Variants in CACNA2D4 observed in about 807,000 individuals in gnomAD.
CACNA2D4 encodes calcium voltage-gated channel auxiliary subunit alpha2delta 4.
CACNA2D4 carries 157 observed loss-of-function variants against 163.8 expected under a neutral mutation model. The ratio of observed to expected loss-of-function variants is 0.96; its 90% CI spans 0.84 to 1.09. The LOEUF is 1.09. CACNA2D4 is among the 50% of genes least tolerant of loss of function. The pLI, the probability that CACNA2D4 is intolerant of heterozygous loss-of-function variation, is 0.00. For synonymous variants in CACNA2D4, 598 were observed against 586.9 expected, an observed-to-expected ratio of 1.02 and a Z score of -0.27; for missense variants, 1,410 against 1,479.9, an observed-to-expected ratio of 0.95 and a Z score of 0.78.
intron 12 of CACNA2D4, 75 bp downstream of exon 12, chr12:1,884,168 C>A: frequency 7.3e-7 from 1 of 1,367,298 alleles, no homozygotes; most frequent in South Asian, 1.2e-5. Context: ...CCGTGCTCAG[C>A]ACTTCCAGGG....
Position 1,869,341 on chromosome 12 carries a change from G to A in CACNA2D4, c.1878+5263C>T, listed in dbSNP as rs140396766. 5.6e-4 allele frequency among the ~76,000 whole-genome samples: 86 copies of A among 152,310 alleles called. 1 individual carries two copies. The highest frequency in any genetic ancestry group is 8.7e-4 in the African/African-American group (36 of 41,560). ...CTGCCACTCTTTGCTGTAACCTACC[G>A]TCGTGCTTTCTAGGCATGGGCCGAA... On this transcript the variant is annotated intron_variant, in intron 18 of 37. Transcript: ENST00000382722. The surrounding 1 kb of genome is among the most constrained non-coding windows in gnomAD (Gnocchi z 4.7).
At chr12:1,882,044 C>T (rs1866013511) in intron 13 of CACNA2D4, among the ~76,000 whole-genome samples, 1 of 152,212 alleles carries the variant, frequency 6.6e-6, no homozygotes, top group Admixed American at 6.5e-5. Context: ...GTTTCCCTCA[C>T]AGGGGCGAAG....
Position 1,854,007 on chromosome 12 carries a change from C to A in CACNA2D4, c.2190G>T (p.Ala730=). Residue 730 remains alanine (A), a synonymous_variant, in exon 23 of 38, where the codon GCG becomes GCT. Coordinates refer to ENST00000382722, the MANE Select transcript of CACNA2D4 (RefSeq NM_172364.5). Reference sequence around the variant, plus strand: ...AGGCTTCCATGGGGGCTGTCACCACCGCGTCAAACAGCACCTCCCGGACCA... The same window carrying A: ...AGGCTTCCATGGGGGCTGTCACCACAGCGTCAAACAGCACCTCCCGGACCA... ...EELVREVLFD[A]VVTAPMEAYW... is the part of the protein sequence containing the mutation. 1 of 1,612,970 alleles carries A rather than the reference C, an allele frequency of 6.2e-7. No individual in the cohort carries two copies. Among genetic ancestry groups the A allele is most frequent in the Non-Finnish European group, 8.5e-7 (1 of 1,179,358 alleles).
At chr12:1,868,216 T>C (rs1565719433) in intron 18 of CACNA2D4, among the ~76,000 whole-genome samples, 2 of 152,200 alleles carry the variant, frequency 1.3e-5, no homozygotes, top group Non-Finnish European at 2.9e-5. Context: ...CTGAAGTATC[T>C]GTTGATGGAT....
intron 26 of CACNA2D4, among the ~76,000 whole-genome samples, chr12:1,832,493 T>C (rs945703296): frequency 3.3e-5 from 5 of 152,250 alleles, no homozygotes; most frequent in Non-Finnish European, 5.9e-5. Flanking sequence ...AGATGCTCAA[T>C]GAATGTTTGC....
chr12:1,823,361 T>C (rs1332161488), intron 26 of CACNA2D4: 1 of 152,298 alleles, frequency 6.6e-6, no homozygotes, highest in East Asian at 1.9e-4. Context: ...GGCAGGTGCA[T>C]GGAGCGGTCC....
chr12:1,879,096 T>C (rs1865940304), intron 14 of CACNA2D4, 60 bp from the exon 15 acceptor site: 1 of 1,401,182 alleles, frequency 7.1e-7, no homozygotes, highest in Admixed American at 1.7e-5. Flanking sequence ...AAGGTTAGAC[T>C]GGACCCTGGG....
At chr12:1,886,791 G>T (rs1866156984) in intron 7 of CACNA2D4, among the ~76,000 whole-genome samples, 1 of 152,132 alleles carries the variant, frequency 6.6e-6, no homozygotes, top group Non-Finnish European at 1.5e-5. Flanking sequence ...GGTTTAGGTT[G>T]GGAAAGACAA....
At chr12:1,902,995 T>C (rs1022560315) in intron 6 of CACNA2D4, among the ~76,000 whole-genome samples, 2 of 152,060 alleles carry the variant, frequency 1.3e-5, no homozygotes, top group Admixed American at 6.6e-5. Flanking sequence ...CAAAACAGCA[T>C]GGCACTGGCA....
Position 1,800,951 on chromosome 12 carries a change from G to A in CACNA2D4, c.2868+92C>T, listed in dbSNP as rs146934061. 9,831 of 1,195,252 alleles carry A rather than the reference G, an allele frequency of 8.2e-3. 91 individuals carry two copies. The highest frequency in any genetic ancestry group is 0.024 in the South Asian group (1,925 of 80,324). The allele number at this position is 1,195,252 out of a possible 1,614,324, so 74.0% of individuals were successfully genotyped here. On this transcript the variant is annotated intron_variant, in intron 31 of 37. Coordinates refer to ENST00000382722, the MANE Select transcript of CACNA2D4 (RefSeq NM_172364.5). Reference sequence around the variant, plus strand: ...AGGGCCCTGGGGCCAGACACCCAAGGTGGGTGAGAACAGGGACCAGTGACC... The same window carrying A: ...AGGGCCCTGGGGCCAGACACCCAAGATGGGTGAGAACAGGGACCAGTGACC...
chr12:1,847,942 C>T lies in CACNA2D4; in HGVS notation c.2247-1253G>A, dbSNP rs752406047. 5.3e-5 allele frequency among the ~76,000 whole-genome samples: 8 copies of T among 152,120 alleles called. No individual in the cohort carries two copies. The East Asian group carries it at 5.8e-4, about 11-fold the overall frequency. The stretch of plus-strand genomic sequence containing the variant: ...CATTAATATGATCAGATAATCCAGT[C>T]GCCTCGCGAATTTTTTTAAGTTTGG... On this transcript the variant is annotated intron_variant, in intron 23 of 37. Transcript: ENST00000382722.
intron 3 of CACNA2D4, among the ~76,000 whole-genome samples, 172 bp from the exon 4 acceptor site, chr12:1,910,137 C>G (rs1417547974): frequency 6.6e-6 from 1 of 152,232 alleles, no homozygotes; most frequent in Non-Finnish European, 1.5e-5. Flanking sequence ...CACAGCCACA[C>G]TATGCACAAC....
intron 26 of CACNA2D4, among the ~76,000 whole-genome samples, chr12:1,838,305 C>A (rs1474070850): frequency 6.6e-6 from 1 of 152,186 alleles, no homozygotes; most frequent in East Asian, 1.9e-4. Context: ...CGTCTCCTAC[C>A]TTCCCCTCGA....
In CACNA2D4 at chr12:1,856,240, A is replaced by C; in HGVS notation, c.2009-11T>G. On this transcript the variant is annotated splice_polypyrimidine_tract_variant and intron_variant, in intron 20 of 37. Coordinates refer to ENST00000382722, the MANE Select transcript of CACNA2D4 (RefSeq NM_172364.5). ...GCAAGTCATGCAGGCCTGAAACCAGAGTCCACATTCAGGGTGATGCTCCCT... is the reference window on the plus strand; with the variant it reads ...GCAAGTCATGCAGGCCTGAAACCAGCGTCCACATTCAGGGTGATGCTCCCT... 6.2e-7 allele frequency: 1 copy of C among 1,613,994 alleles called. No homozygotes were observed. Among genetic ancestry groups the C allele is most frequent in the Non-Finnish European group, 8.5e-7 (1 of 1,179,866 alleles).
chr12:1,874,099 TA>T lies in CACNA2D4; in HGVS notation c.1878+504del, dbSNP rs1365564630. Among the ~76,000 whole-genome samples, 1 of 152,198 alleles carries T rather than the reference TA, an allele frequency of 6.6e-6. No homozygotes were observed. The highest frequency in any genetic ancestry group is 2.4e-5 in the African/African-American group (1 of 41,454). On this transcript the variant is annotated intron_variant, in intron 18 of 37. Coordinates refer to ENST00000382722, the MANE Select transcript of CACNA2D4 (RefSeq NM_172364.5). This position sits in a 1 kb window ranked among gnomAD's most constrained non-coding sequence, Gnocchi z 4.4. ...TAAGTGAGAAGATGAAATGATCTTT[TA>T]TAAACGATGCACATGGTTGTAAAGA...
At chr12:1,884,640 A>G (rs1866089368) in intron 11 of CACNA2D4, 128 bp downstream of exon 11, 4 of 676,006 alleles carry the variant, frequency 5.9e-6, no homozygotes, top group Non-Finnish European at 1.0e-5. Context: ...AATGCATCTG[A>G]AAGCAAGAAT....
At position 1,828,350 on chromosome 12, in the gene CACNA2D4, G is replaced by A. The variant is rs578123678; in HGVS notation, c.2551+12389C>T. On this transcript the variant is annotated intron_variant, in intron 26 of 37. Transcript: ENST00000382722. This position sits in a 1 kb window ranked among gnomAD's most constrained non-coding sequence, Gnocchi z 4.2. The stretch of plus-strand genomic sequence containing the variant: ...TACGCCAGATCTTCCTGGGGTACCC[G>A]AGGCTATGTTCTGGGAAGCCAGGGT... 51 of 732,240 alleles carry A rather than the reference G, an allele frequency of 7.0e-5. 1 individual carries two copies. Among genetic ancestry groups the A allele is most frequent in the South Asian group, 1.1e-4 (5 of 44,780 alleles). The allele number at this position is 732,240 out of a possible 1,614,324, so 45.4% of individuals were successfully genotyped here. A position where few individuals can be genotyped will look rare whatever the true frequency, so the allele number is the denominator to read the frequency against.
chr12:1,828,635 T>C lies in CACNA2D4; in HGVS notation c.2551+12104A>G, dbSNP rs886943. ...TTGCTCCCGTGGGGAACTGCCCCCT[T>C]GGCTGGCCTCGGCCAGGAGCTGGGT... On this transcript the variant is annotated intron_variant, in intron 26 of 37. Coordinates refer to ENST00000382722, the MANE Select transcript of CACNA2D4 (RefSeq NM_172364.5). This position sits in a 1 kb window ranked among gnomAD's most constrained non-coding sequence, Gnocchi z 4.2. 0.76 allele frequency among the ~76,000 whole-genome samples: 114,992 copies of C among 152,226 alleles called. 43,575 individuals are homozygous for C. Among genetic ancestry groups the C allele is most frequent in the East Asian group, 0.85 (4,376 of 5,162 alleles).
At chr12:1,916,619 G>A (rs1353282404) in intron 1 of CACNA2D4, among the ~76,000 whole-genome samples, 2 of 152,178 alleles carry the variant, frequency 1.3e-5, no homozygotes, top group African/African-American at 2.4e-5. Flanking sequence ...CCGTGCCCAT[G>A]CAGGCCCAGC....
Sources: gnomAD v4.1 joint callset for allele counts (sites outside exome capture counted in the v4.1 genomes callset) on GRCh38, gnomAD v4.1.1 for gene constraint, Gnocchi (gnomAD v3.1) non-coding constraint, MANE v1.5 for transcripts, NCBI Gene and HGNC (gene_info 2026-07-23, HGNC 2026-07-21) for gene names.